Variants in FRMD4A observed in about 807,000 individuals in gnomAD.
The protein encoded by FRMD4A is FERM domain-containing protein 4A.
A neutral mutation model predicts 129.1 loss-of-function variants in FRMD4A; 29 were observed. The observed-to-expected ratio is 0.22, with a 90% CI of 0.17 to 0.31. The LOEUF is 0.31. Ranked by LOEUF, FRMD4A falls within the 10% of genes least tolerant of loss-of-function variation. The pLI is 1.00. For missense variants in FRMD4A, 1,272 were observed against 1,375.8 expected, an observed-to-expected ratio of 0.92 and a Z score of 1.19; for synonymous variants, 634 against 571.6, an observed-to-expected ratio of 1.11 and a Z score of -1.56.
At chr10:13,707,858 G>A (rs2087628701) in intron 12 of FRMD4A, 2 of 985,124 alleles carry the variant, frequency 2.0e-6, no homozygotes, top group African/African-American at 3.5e-5. Context: ...AGGGGCCCTG[G>A]CGGTCATTCC....
chr10:13,732,845 G>A (rs750113742), intron 12 of FRMD4A, among the ~76,000 whole-genome samples: 5 of 152,204 alleles, frequency 3.3e-5, no homozygotes, highest in Non-Finnish European at 5.9e-5. Context: ...GCCACACTAG[G>A]GAGCCTGGCT....
At chr10:13,728,427 T>G (rs73583661) in intron 12 of FRMD4A, among the ~76,000 whole-genome samples, 1,353 of 90,228 alleles carry the variant, frequency 0.015, 21 homozygotes, top group African/African-American at 0.043. Context: ...AGAAGCAAAC[T>G]CAAGTCAGTT....
chr10:14,091,882 G>A (rs554080539), intron 2 of FRMD4A, among the ~76,000 whole-genome samples: 1 of 152,290 alleles, frequency 6.6e-6, no homozygotes, highest in South Asian at 2.1e-4. Context: ...AATCACCCAT[G>A]TTCTTAACAA....
At chr10:14,197,381 T>C (rs1323804454) in intron 2 of FRMD4A, among the ~76,000 whole-genome samples, 7 of 152,334 alleles carry the variant, frequency 4.6e-5, no homozygotes, top group Admixed American at 1.3e-4. Context: ...CTAGTTTTTT[T>C]ATTTTTTATA....
At chr10:14,320,322 C>T (rs1403477350) in intron 2 of FRMD4A, among the ~76,000 whole-genome samples, 1 of 152,186 alleles carries the variant, frequency 6.6e-6, no homozygotes, top group Non-Finnish European at 1.5e-5. Context: ...TCCATCTCTT[C>T]CATGACACAG....
chr10:14,218,955 C>CA lies in FRMD4A; in HGVS notation c.45+111102dup, dbSNP rs56064346. Among the ~76,000 whole-genome samples the CA allele has an allele frequency of 1.5e-4, 11 of 72,650 alleles. 1 individual carries two copies. The highest frequency in any genetic ancestry group is 6.1e-4 in the African/African-American group (8 of 13,058). 47.7% of individuals were successfully genotyped at this position (72,650 alleles called of 152,430 possible). On this transcript the variant is annotated intron_variant, in intron 2 of 24. Transcript: ENST00000357447. ...GGGCAACAAGAGTGAGACTTCATCT[C>CA]AAAAAAAAAAAAAAAAAAAAAAAAA...
intron 2 of FRMD4A, among the ~76,000 whole-genome samples, chr10:14,185,765 C>G (rs192140314): frequency 1.3e-5 from 2 of 152,058 alleles, no homozygotes; most frequent in African/African-American, 2.4e-5. Context: ...TAGTACCAGC[C>G]AAAGCAACAG....
At chr10:13,684,004 C>T (rs1375004502) in intron 15 of FRMD4A, 1 of 152,142 alleles carries the variant, frequency 6.6e-6, no homozygotes, top group Admixed American at 6.5e-5. Flanking sequence ...CCACTGCACC[C>T]AGCTGGGTGA....
intron 2 of FRMD4A, among the ~76,000 whole-genome samples, chr10:14,094,682 C>A (rs1836849404): frequency 6.6e-6 from 1 of 152,156 alleles, no homozygotes; most frequent in Admixed American, 6.5e-5. Context: ...ATTGGGCATG[C>A]AGTTGGCAAG....
intron 2 of FRMD4A, among the ~76,000 whole-genome samples, chr10:14,303,493 T>G (rs1846252915): frequency 6.6e-6 from 1 of 152,174 alleles, no homozygotes; most frequent in Non-Finnish European, 1.5e-5. Flanking sequence ...AGTCCTTGGA[T>G]TGGTGAGTGT....
chr10:14,149,665 T>C (rs1008934143), intron 2 of FRMD4A, among the ~76,000 whole-genome samples: 1 of 152,190 alleles, frequency 6.6e-6, no homozygotes, highest in Non-Finnish European at 1.5e-5. Flanking sequence ...CCGCCACACC[T>C]GGCAACTGCT....
intron 2 of FRMD4A, among the ~76,000 whole-genome samples, chr10:14,231,703 T>C (rs1341351525): frequency 1.3e-5 from 2 of 152,226 alleles, no homozygotes; most frequent in African/African-American, 2.4e-5. Context: ...TTTTTTCTTA[T>C]GTGTGTTGGC....
At chr10:14,056,592 C>A (rs11258842) in intron 2 of FRMD4A, among the ~76,000 whole-genome samples, 2 of 152,004 alleles carry the variant, frequency 1.3e-5, no homozygotes, top group Non-Finnish European at 2.9e-5. Flanking sequence ...TAAGTTTTGG[C>A]CCCAGTATTT....
chr10:14,139,774 T>G (rs1839742205), intron 2 of FRMD4A, among the ~76,000 whole-genome samples: 1 of 152,172 alleles, frequency 6.6e-6, no homozygotes. Flanking sequence ...TAAGACATAT[T>G]GTTACTCTTG....
intron 2 of FRMD4A, among the ~76,000 whole-genome samples, chr10:14,212,790 T>C (rs987492029): frequency 2.6e-5 from 4 of 152,238 alleles, no homozygotes; most frequent in African/African-American, 9.6e-5. Context: ...TACTTATGAA[T>C]GCATTTTTCA....
At chr10:13,938,838 C>T (rs781481543) in intron 2 of FRMD4A, among the ~76,000 whole-genome samples, 5 of 152,066 alleles carry the variant, frequency 3.3e-5, no homozygotes, top group African/African-American at 9.7e-5. Flanking sequence ...AGAGCAACAC[C>T]GTCCTCCCCA....
intron 2 of FRMD4A, among the ~76,000 whole-genome samples, chr10:14,232,151 T>C (rs1049685151): frequency 7.2e-5 from 11 of 152,256 alleles, no homozygotes; most frequent in Admixed American, 2.0e-4. Context: ...TGCATATGGC[T>C]AGCCAGTTAT....
chr10:14,329,791 G>A (rs974801382), intron 2 of FRMD4A, among the ~76,000 whole-genome samples: 1 of 152,106 alleles, frequency 6.6e-6, no homozygotes, highest in Non-Finnish European at 1.5e-5. Flanking sequence ...CTATTTCGAG[G>A]GGCTCTTAGC....
In FRMD4A at chr10:13,891,675, G is replaced by A. The variant is rs2094698526; in HGVS notation, c.46-32763C>T. The A allele has an allele frequency of 6.1e-6, 6 of 985,126 alleles. 1 individual carries two copies. The highest frequency in any genetic ancestry group is 5.2e-4 in the Middle Eastern group (1 of 1,934). The allele number at this position is 985,126 out of a possible 1,614,324, so 61.0% of individuals were successfully genotyped here. A position where few individuals can be genotyped will look rare whatever the true frequency, so the allele number is the denominator to read the frequency against. ...TCCGAGGAACTTCTGGCTGCAAGCG[G>A]CTGGTACCCCGGAACGGGCGTCCCA... On this transcript the variant is annotated intron_variant, in intron 2 of 24. Transcript: ENST00000357447.
Sources: gnomAD v4.1 joint callset for allele counts (sites outside exome capture counted in the v4.1 genomes callset) on GRCh38, gnomAD v4.1.1 for gene constraint, MANE v1.5 for transcripts, NCBI Gene and HGNC (gene_info 2026-07-23, HGNC 2026-07-21) for gene names.